Variants in LIN54 observed in about 807,000 individuals in gnomAD.
The protein encoded by LIN54 is protein lin-54 homolog.
A neutral mutation model predicts 78.7 loss-of-function variants in LIN54; 9 were observed. The observed-to-expected ratio is 0.11, with a 90% CI of 0.07 to 0.20. The LOEUF (loss-of-function observed/expected upper bound fraction) is 0.20, where lower values mean the gene tolerates loss of function less well. Ranked by LOEUF, LIN54 falls within the 10% of genes least tolerant of loss-of-function variation. The pLI is 1.00. For synonymous variants in LIN54, 269 were observed against 318.4 expected, an observed-to-expected ratio of 0.84 and a Z score of 1.65; for missense variants, 573 against 889.9, an observed-to-expected ratio of 0.64 and a Z score of 4.53.
At chr4:82,998,609 G>C (rs1728464341) in intron 1 of LIN54, among the ~76,000 whole-genome samples, 1 of 151,100 alleles carries the variant, frequency 6.6e-6, no homozygotes, top group South Asian at 2.1e-4. Flanking sequence ...AAAGAGAAGA[G>C]AGAAAGAAGA....
intron 1 of LIN54, among the ~76,000 whole-genome samples, chr4:83,008,900 G>T (rs1729632565): frequency 6.6e-6 from 1 of 152,054 alleles, no homozygotes. Flanking sequence ...CAATGAAAAA[G>T]CTTTTTAATC....
chr4:82,938,789 C>T lies in LIN54; in HGVS notation c.1441-285G>A, dbSNP rs115618850. Among the ~76,000 whole-genome samples the T allele has an allele frequency of 3.5e-3, 530 of 152,290 alleles. 4 individuals carry two copies. Among genetic ancestry groups the T allele is most frequent in the African/African-American group, 0.012 (505 of 41,554 alleles). ...TGATAGGAAATGCTAGATGAATGCT[C>T]TCAAAGTACTGTAATAACTTGTTTG... is the stretch of plus-strand genomic sequence containing the variant. On this transcript the variant is annotated intron_variant, in intron 7 of 12. Transcript: ENST00000340417.
rs1024003861 is a variant in LIN54, at chr4:83,007,746, G to A, written c.-33+2738C>T. ...CTACCAAAAATACAAAAAATTAACC[G>A]AGCGTGGGGGCCCAAGCCTGTGGTC... On this transcript the variant is annotated intron_variant, in intron 1 of 12. Transcript: ENST00000340417. Among the ~76,000 whole-genome samples, 50 of 151,860 alleles carry A rather than the reference G, an allele frequency of 3.3e-4. 1 individual carries two copies. The highest frequency in any genetic ancestry group is 3.0e-3 in the Admixed American group (45 of 15,226).
rs1724950815 is a variant in LIN54, at chr4:82,963,296, G to C, written c.951+7031C>G. ...ATACAAATTTTTCAAACAAGCAAAA[G>C]CTGAGAGAATCTATTGTCAGTAGTC... On this transcript the variant is annotated intron_variant, in intron 4 of 12. Transcript: ENST00000340417. Among the ~76,000 whole-genome samples the C allele has an allele frequency of 2.6e-5, 4 of 152,006 alleles. 1 individual carries two copies. The highest frequency in any genetic ancestry group is 1.3e-4 in the Admixed American group (2 of 15,272).
intron 4 of LIN54, among the ~76,000 whole-genome samples, chr4:82,951,239 G>A (rs1723818965): frequency 6.6e-6 from 1 of 152,150 alleles, no homozygotes; most frequent in African/African-American, 2.4e-5. Flanking sequence ...TGAATCTTAA[G>A]ATGCACGAGA....
rs1295987591 is a variant in LIN54 at position 82,999,777 on chromosome 4, CAAAA to C, written c.-33+10703_-33+10706del. On this transcript the variant is annotated intron_variant, in intron 1 of 12. Coordinates refer to ENST00000340417, the MANE Select transcript of LIN54 (RefSeq NM_194282.4). Reference sequence around the variant, plus strand: ...TAGGTGACAGGGCGAGACTCTGTCTCAAAAAAAAAAAAAAAAAAGGCAAGAAAAC... The same window carrying C: ...TAGGTGACAGGGCGAGACTCTGTCTCAAAAAAAAAAAAAAGGCAAGAAAAC... Among the ~76,000 whole-genome samples the C allele has an allele frequency of 1.5e-4, 14 of 92,238 alleles. No individual in the cohort carries two copies. The South Asian group carries it at 1.9e-3, about 12-fold the overall frequency. 60.5% of individuals were successfully genotyped at this position (92,238 alleles called of 152,430 possible).
chr4:82,988,115 A>G (rs1727331297), intron 1 of LIN54, among the ~76,000 whole-genome samples: 1 of 151,994 alleles, frequency 6.6e-6, no homozygotes, highest in Non-Finnish European at 1.5e-5. Flanking sequence ...TTTCATTTAC[A>G]TTTCTCTGAT....
intron 4 of LIN54, among the ~76,000 whole-genome samples, chr4:82,954,628 G>C (rs1207477955): frequency 2.6e-5 from 4 of 152,078 alleles, no homozygotes; most frequent in Non-Finnish European, 2.9e-5. Flanking sequence ...ATGTTGGCCA[G>C]GCTGGTATAT....
chr4:82,942,572 T>C (rs559586358), intron 5 of LIN54, among the ~76,000 whole-genome samples: 6 of 152,260 alleles, frequency 3.9e-5, no homozygotes, highest in East Asian at 1.9e-4. Flanking sequence ...CCATTGTAGA[T>C]TGGTCTCAGC....
intron 4 of LIN54, among the ~76,000 whole-genome samples, chr4:82,961,154 TGGAGA>T (rs1000727834): frequency 1.3e-5 from 2 of 152,194 alleles, no homozygotes; most frequent in African/African-American, 4.8e-5. Flanking sequence ...ATGGGCTATT[TGGAGA>T]GAAGTGTATT....
intron 4 of LIN54, among the ~76,000 whole-genome samples, chr4:82,959,106 A>G (rs142515961): frequency 6.6e-6 from 1 of 152,146 alleles, no homozygotes; most frequent in South Asian, 2.1e-4. Flanking sequence ...TCATCTAAAA[A>G]TTTTATCTTA....
At chr4:82,941,887 A>G (rs1722928378) in intron 5 of LIN54, among the ~76,000 whole-genome samples, 2 of 152,206 alleles carry the variant, frequency 1.3e-5, no homozygotes, top group African/African-American at 4.8e-5. Flanking sequence ...ACTGGGATGA[A>G]ATTCAGGAAA....
chr4:82,985,903 A>AG (rs1727091606), intron 1 of LIN54, among the ~76,000 whole-genome samples: 1 of 152,208 alleles, frequency 6.6e-6, no homozygotes, highest in Admixed American at 6.5e-5. Context: ...ATCCCCATGA[A>AG]GAAAAAAAGT....
At chr4:82,987,011 C>A (rs754631732) in intron 1 of LIN54, among the ~76,000 whole-genome samples, 2 of 152,218 alleles carry the variant, frequency 1.3e-5, no homozygotes, top group Non-Finnish European at 2.9e-5. Context: ...ATTATCTTGG[C>A]TGGGCACACT....
At chr4:82,963,682 A>T (rs1186249160) in intron 4 of LIN54, among the ~76,000 whole-genome samples, 10 of 70 alleles carry the variant, frequency 0.14, no homozygotes, top group Admixed American at 0.29. Flanking sequence ...AGCAACCACT[A>T]AAAAAAAAAA....
Position 82,984,559 on chromosome 4 carries a change from G to T in LIN54, c.286C>A (p.Pro96Thr). 6.2e-7 allele frequency: 1 copy of T among 1,614,174 alleles called. No homozygotes were observed. The highest frequency in any genetic ancestry group is 8.5e-7 in the Non-Finnish European group (1 of 1,180,032). ...DSNTTVKPAF[P>T]SGLQKLGAQT... ...GCACCAAGTTTTTGAAGGCCACTTG[G>T]AAAAGCTGGTTTCACTGTGGTATTA... is the stretch of plus-strand genomic sequence containing the variant. The change falls in exon 2 of 13, where the codon CCA becomes ACA. Residue 96 changes from proline to threonine, a missense_variant. By Grantham distance (38) the Pro-to-Thr change is conservative. Transcript: ENST00000340417.
At chr4:82,976,473 G>C (rs756048002) in intron 3 of LIN54, among the ~76,000 whole-genome samples, 5 of 152,164 alleles carry the variant, frequency 3.3e-5, no homozygotes, top group African/African-American at 4.8e-5. Flanking sequence ...ACTTTGGGAG[G>C]CCAAGACAGG....
intron 4 of LIN54, among the ~76,000 whole-genome samples, chr4:82,964,103 T>C (rs1029373102): frequency 6.6e-6 from 1 of 151,832 alleles, no homozygotes; most frequent in African/African-American, 2.4e-5. Flanking sequence ...CAGGCTGAAG[T>C]GCAGCGGTAC....
intron 2 of LIN54, among the ~76,000 whole-genome samples, chr4:82,983,413 G>C (rs1726854920): frequency 6.6e-6 from 1 of 152,122 alleles, no homozygotes; most frequent in Non-Finnish European, 1.5e-5. Flanking sequence ...TTCTTTCTTA[G>C]GGTCCTATTC....
Sources: gnomAD v4.1 joint callset for allele counts (sites outside exome capture counted in the v4.1 genomes callset) on GRCh38, gnomAD v4.1.1 for gene constraint, MANE v1.5 for transcripts, NCBI Gene and HGNC (gene_info 2026-07-23, HGNC 2026-07-21) for gene names.